Variants in DAPK1 observed in about 807,000 individuals in gnomAD.
The protein encoded by DAPK1 is death-associated protein kinase 1.
DAPK1 carries 56 observed loss-of-function variants against 144.9 expected under a neutral mutation model. The ratio of observed to expected loss-of-function variants is 0.39; its 90% CI spans 0.31 to 0.48. The LOEUF (loss-of-function observed/expected upper bound fraction) is 0.48. Among genes scored for constraint, DAPK1 ranks in the 20% least tolerant of loss-of-function variants. DAPK1 has a pLI of 0.95. For missense variants in DAPK1, 1,454 were observed against 1,875.4 expected, an observed-to-expected ratio of 0.78 and a Z score of 4.15; for synonymous variants, 690 against 749.0, an observed-to-expected ratio of 0.92 and a Z score of 1.29.
chr9:87,610,056 A>G (rs1467268997), intron 3 of DAPK1, among the ~76,000 whole-genome samples: 1 of 152,154 alleles, frequency 6.6e-6, no homozygotes, highest in Admixed American at 6.5e-5. Context: ...TTGTACAGAA[A>G]CTATTTGGGA....
intron 25 of DAPK1, 147 bp from the exon 26 acceptor site, chr9:87,705,985 C>T (rs926420169): frequency 1.8e-6 from 1 of 567,066 alleles, no homozygotes; most frequent in Non-Finnish European, 3.1e-6. Flanking sequence ...GTTTTTGAGA[C>T]GCATCCACGT....
At chr9:87,574,694 C>A (rs1428246767) in intron 2 of DAPK1, among the ~76,000 whole-genome samples, 2 of 152,078 alleles carry the variant, frequency 1.3e-5, no homozygotes, top group African/African-American at 4.8e-5. Flanking sequence ...CCAAGGTGGG[C>A]AAATACCTGA....
At chr9:87,647,155 A>G (rs757171926) in intron 13 of DAPK1, 150 bp from the exon 14 acceptor site, 78 of 680,758 alleles carry the variant, frequency 1.1e-4, no homozygotes, top group Non-Finnish European at 1.7e-4. Context: ...TCAAAGGTGT[A>G]AAATAGAATG....
chr9:87,522,071 T>C (rs1448220482), intron 2 of DAPK1, among the ~76,000 whole-genome samples: 1 of 152,216 alleles, frequency 6.6e-6, no homozygotes, highest in Non-Finnish European at 1.5e-5. Flanking sequence ...GCCATGCTCT[T>C]AGACTTCCCA....
At chr9:87,520,085 C>T (rs1302642632) in intron 2 of DAPK1, among the ~76,000 whole-genome samples, 2 of 152,084 alleles carry the variant, frequency 1.3e-5, no homozygotes, top group African/African-American at 4.8e-5. Flanking sequence ...GAATTGACTT[C>T]TTCCCAGGTA....
intron 20 of DAPK1, among the ~76,000 whole-genome samples, chr9:87,683,876 G>A (rs994444517): frequency 6.6e-6 from 1 of 152,208 alleles, no homozygotes; most frequent in African/African-American, 2.4e-5. Context: ...GGTCTGGGGA[G>A]GAGGCAGCTG....
At chr9:87,567,127 T>C (rs981711154) in intron 2 of DAPK1, among the ~76,000 whole-genome samples, 1 of 152,218 alleles carries the variant, frequency 6.6e-6, no homozygotes, top group African/African-American at 2.4e-5. Context: ...ATATTCTCTT[T>C]CTGTTGGCAC....
intron 2 of DAPK1, among the ~76,000 whole-genome samples, chr9:87,579,340 A>T (rs926378785): frequency 2.0e-5 from 3 of 152,208 alleles, no homozygotes; most frequent in African/African-American, 7.2e-5. Context: ...CTGAGTGTGC[A>T]TTACCCAGAT....
chr9:87,700,097 G>A lies in DAPK1; in HGVS notation c.2751-20G>A, dbSNP rs770870969. The stretch of plus-strand genomic sequence containing the variant: ...GGGGACATTGACTCACTGCTGAGGA[G>A]GCTGCTGCTCTTCCCTTAGGTTTGG... On this transcript the variant is annotated intron_variant, in intron 23 of 25. Coordinates refer to ENST00000408954, the MANE Select transcript of DAPK1 (RefSeq NM_004938.4). The A allele has an allele frequency of 6.2e-7, 1 of 1,607,874 alleles. No individual in the cohort carries two copies. Among genetic ancestry groups the A allele is most frequent in the South Asian group, 1.1e-5 (1 of 90,944 alleles).
At chr9:87,650,398 G>A (rs925393210) in intron 16 of DAPK1, 19 of 369,412 alleles carry the variant, frequency 5.1e-5, no homozygotes, top group Non-Finnish European at 9.4e-5. Flanking sequence ...GTACAGTGAT[G>A]TTCACTGAAT....
chr9:87,595,007 G>C (rs117748763), intron 2 of DAPK1, among the ~76,000 whole-genome samples: 1 of 152,328 alleles, frequency 6.6e-6, no homozygotes, highest in East Asian at 1.9e-4. Context: ...AGCAGGCACT[G>C]TGATTGGCAT....
intron 2 of DAPK1, among the ~76,000 whole-genome samples, chr9:87,548,091 C>A (rs1449313473): frequency 1.3e-5 from 2 of 152,182 alleles, no homozygotes; most frequent in African/African-American, 4.8e-5. Context: ...CACTGTTATG[C>A]TAACTTCTCT....
chr9:87,519,627 T>G (rs1424677536), intron 2 of DAPK1, among the ~76,000 whole-genome samples: 2 of 152,070 alleles, frequency 1.3e-5, no homozygotes, highest in Non-Finnish European at 2.9e-5. Context: ...TCCTTCTGCC[T>G]TTTTCTCTGC....
intron 3 of DAPK1, among the ~76,000 whole-genome samples, chr9:87,605,795 A>G (rs1277045533): frequency 6.6e-6 from 1 of 151,914 alleles, no homozygotes; most frequent in Non-Finnish European, 1.5e-5. Context: ...GGCGTTTCTC[A>G]TCTCCCTCTC....
At position 87,659,115 on chromosome 9, in the gene DAPK1, C is replaced by T. The variant is rs1830736911; in HGVS notation, c.1923+988C>T. Among the ~76,000 whole-genome samples, 5 of 152,244 alleles carry T rather than the reference C, an allele frequency of 3.3e-5. No homozygotes were observed. In the South Asian group the frequency reaches 1.0e-3, roughly 31 times the overall value. ...AGCCGAAACACCTACTTGCCTGGCC[C>T]TTGACGGAAAATGTTTGCTGACCGC... On this transcript the variant is annotated intron_variant, in intron 18 of 25. Transcript: ENST00000408954.
At chr9:87,648,695 CAGGCCTGGGTGT>C (rs1428627462) in intron 14 of DAPK1, 74 bp from the exon 15 acceptor site, 1 of 1,196,482 alleles carries the variant, frequency 8.4e-7, no homozygotes, top group African/African-American at 1.5e-5. Flanking sequence ...TGGAACCAGG[CAGGCCTGGGTGT>C]AGGCCTTGGG....
At position 87,497,894 on chromosome 9, in the gene DAPK1, A is replaced by G. The variant is rs1824226360; in HGVS notation, c.-322A>G. 5 of 394,354 alleles carry G rather than the reference A, an allele frequency of 1.3e-5. No homozygotes were observed. Among genetic ancestry groups the G allele is most frequent in the Admixed American group, 4.4e-5 (1 of 22,590 alleles). 24.4% of individuals were successfully genotyped at this position (394,354 alleles called of 1,614,324 possible). On this transcript the variant is annotated 5_prime_UTR_variant, in exon 1 of 26. Coordinates refer to ENST00000408954, the MANE Select transcript of DAPK1 (RefSeq NM_004938.4). ...TTCGGAGTGTGAGGAGGACAGCCGG[A>G]CCGAGCCAACGCCGGGGACTTTGTT...
chr9:87,534,255 T>TG (rs1318187353), intron 2 of DAPK1, among the ~76,000 whole-genome samples: 1 of 33,536 alleles, frequency 3.0e-5, no homozygotes, highest in Non-Finnish European at 5.1e-5. Flanking sequence ...AGTTTTTTTT[T>TG]TTGTTTTTTT....
intron 18 of DAPK1, among the ~76,000 whole-genome samples, chr9:87,661,445 T>C (rs930668864): frequency 2.0e-5 from 3 of 152,226 alleles, no homozygotes; most frequent in Admixed American, 1.3e-4. Flanking sequence ...CCACCAACAA[T>C]GTATAAAAGT....
Sources: allele counts gnomAD v4.1 joint callset (sites outside exome capture counted in the v4.1 genomes callset), GRCh38; gene constraint gnomAD v4.1.1; transcripts MANE v1.5; gene names NCBI Gene and HGNC (gene_info 2026-07-23, HGNC 2026-07-21).